GFRA1: variants seen among roughly 807,000 people sequenced by gnomAD.
GFRA1 encodes GDNF family receptor alpha-1.
GFRA1 carries 16 observed loss-of-function variants against 51.6 expected under a neutral mutation model. The ratio of observed to expected loss-of-function variants is 0.31; its 90% CI spans 0.21 to 0.47. The LOEUF (loss-of-function observed/expected upper bound fraction) is 0.47. Among genes scored for constraint, GFRA1 ranks in the 20% least tolerant of loss-of-function variants. GFRA1 has a pLI of 1.00. For missense variants in GFRA1, 530 were observed against 594.3 expected, an observed-to-expected ratio of 0.89 and a Z score of 1.13; for synonymous variants, 270 against 241.3, an observed-to-expected ratio of 1.12 and a Z score of -1.10.
At chr10:116,241,384 C>A (rs1967363103) in intron 4 of GFRA1, among the ~76,000 whole-genome samples, 1 of 152,190 alleles carries the variant, frequency 6.6e-6, no homozygotes, top group South Asian at 2.1e-4. Flanking sequence ...ATCTCAACCA[C>A]ACAACTTCAC....
chr10:116,255,600 C>T (rs778575573), intron 4 of GFRA1: 37 of 1,288,754 alleles, frequency 2.9e-5, no homozygotes, highest in East Asian at 2.2e-4. Context: ...GCTGGGTACA[C>T]GCCCTTTCCT....
At chr10:116,241,231 C>A (rs1268832065) in intron 4 of GFRA1, among the ~76,000 whole-genome samples, 1 of 152,162 alleles carries the variant, frequency 6.6e-6, no homozygotes, top group African/African-American at 2.4e-5. Flanking sequence ...GGGGAGAAAA[C>A]CAATTCACAC....
intron 5 of GFRA1, among the ~76,000 whole-genome samples, chr10:116,210,386 C>G (rs1452038339): frequency 6.6e-6 from 1 of 152,108 alleles, no homozygotes; most frequent in Non-Finnish European, 1.5e-5. Context: ...AATGATCTGC[C>G]TAGAGTGCCC....
intron 4 of GFRA1, among the ~76,000 whole-genome samples, chr10:116,266,897 T>C (rs565337648): frequency 4.6e-5 from 7 of 152,354 alleles, no homozygotes; most frequent in Non-Finnish European, 7.3e-5. Context: ...CTCAGATCCA[T>C]GGACTGTAAC....
At chr10:116,143,166 G>C (rs1207942697) in intron 5 of GFRA1, among the ~76,000 whole-genome samples, 2 of 152,038 alleles carry the variant, frequency 1.3e-5, no homozygotes, top group Admixed American at 1.3e-4. Flanking sequence ...CCAGTTGTAC[G>C]GTTCATATAC....
At chr10:116,197,684 A>G (rs1964000115) in intron 5 of GFRA1, among the ~76,000 whole-genome samples, 1 of 152,136 alleles carries the variant, frequency 6.6e-6, no homozygotes, top group South Asian at 2.1e-4. Flanking sequence ...TTTGTGGGGG[A>G]TACAACTAAA....
At chr10:116,154,990 T>A (rs568202526) in intron 5 of GFRA1, among the ~76,000 whole-genome samples, 1 of 152,284 alleles carries the variant, frequency 6.6e-6, no homozygotes, top group East Asian at 1.9e-4. Context: ...GCTTGAGACC[T>A]TACCTACTTT....
At chr10:116,255,841 T>G in intron 4 of GFRA1, 2 of 896,790 alleles carry the variant, frequency 2.2e-6, no homozygotes, top group South Asian at 3.1e-5. Flanking sequence ...AGTTACTGCT[T>G]AAGTGTAGAG....
At chr10:116,265,629 A>G (rs115086918) in intron 4 of GFRA1, among the ~76,000 whole-genome samples, 417 of 152,332 alleles carry the variant, frequency 2.7e-3, no homozygotes, top group African/African-American at 9.7e-3. Flanking sequence ...GGCAGAATAG[A>G]GGTGCAAGAG....
chr10:116,225,331 T>A (rs1490213582), intron 4 of GFRA1, among the ~76,000 whole-genome samples: 3 of 151,846 alleles, frequency 2.0e-5, no homozygotes, highest in Non-Finnish European at 4.4e-5. Context: ...GGTCATCAGA[T>A]CGAGACCATC....
At chr10:116,096,799 G>C (rs764826008) in intron 6 of GFRA1, 35 bp from the exon 7 acceptor site, 13 of 1,211,846 alleles carry the variant, frequency 1.1e-5, no homozygotes, top group Non-Finnish European at 1.6e-5. Context: ...GGGTGGAAAT[G>C]TGCTTTAAAA....
chr10:116,143,197 A>C (rs1320095685), intron 5 of GFRA1, among the ~76,000 whole-genome samples: 1 of 152,140 alleles, frequency 6.6e-6, no homozygotes, highest in Admixed American at 6.5e-5. Flanking sequence ...TATTCATTCA[A>C]ATTGAATTAC....
Position 116,125,326 on chromosome 10 carries a change from G to A in GFRA1, c.665C>T (p.Thr222Ile), listed in dbSNP as rs1957813079. 3 of 1,614,108 alleles carry A rather than the reference G, an allele frequency of 1.9e-6. No individual in the cohort carries two copies. The highest frequency in any genetic ancestry group is 2.2e-5 in the South Asian group (2 of 91,090). Residue 222 changes from threonine to isoleucine, a missense_variant, in exon 6 of 11, where the codon ACA becomes ATA. By Grantham distance (89) the Thr-to-Ile change is moderately conservative. Coordinates refer to ENST00000355422, the MANE Select transcript of GFRA1 (RefSeq NM_005264.8). ...LFCSCRDIACTERRRQTIVPV... is the reference protein window; with the variant it reads ...LFCSCRDIACIERRRQTIVPV... ...CACGATGGTCTGTCGCCTCCGCTCT[G>A]TGCAGGCGATGTCCCGGCAGGAGCA...
intron 4 of GFRA1, among the ~76,000 whole-genome samples, chr10:116,250,219 C>G (rs1021260079): frequency 3.3e-5 from 5 of 152,176 alleles, no homozygotes; most frequent in Admixed American, 3.3e-4. Context: ...GACAATAGTA[C>G]AGATGTATTC....
intron 4 of GFRA1, among the ~76,000 whole-genome samples, chr10:116,252,751 ACTGGGGGATAGG>A (rs1435377382): frequency 6.6e-6 from 1 of 152,170 alleles, no homozygotes; most frequent in Non-Finnish European, 1.5e-5. Context: ...TATCACTGTG[ACTGGGGGATAGG>A]CTTCAACATG....
At chr10:116,118,872 T>C (rs1442783549) in intron 6 of GFRA1, among the ~76,000 whole-genome samples, 1 of 152,138 alleles carries the variant, frequency 6.6e-6, no homozygotes, top group Non-Finnish European at 1.5e-5. Context: ...CTTGGGCAGA[T>C]GCAGGGAGGG....
chr10:116,089,768 A>T lies in GFRA1; in HGVS notation c.1170T>A (p.His390Gln). The T allele has an allele frequency of 6.2e-7, 1 of 1,614,152 alleles. No individual in the cohort carries two copies. Among genetic ancestry groups the T allele is most frequent in the Non-Finnish European group, 8.5e-7 (1 of 1,180,028 alleles). Residue 390 changes from histidine to glutamine, a missense_variant, in exon 9 of 11, where the codon CAT becomes CAA. Transcript: ENST00000355422. Reference sequence around the variant, plus strand: ...GTAAATTTGCACACGGTGGCAAAACATGAGTGGGAATTTCATTCTCAGACC... The same window carrying T: ...GTAAATTTGCACACGGTGGCAAAACTTGAGTGGGAATTTCATTCTCAGACC... ...PAGSENEIPT[H>Q]VLPPCANLQA...
Position 116,061,140 on chromosome 10 carries a change from T to C in GFRA1, c.*3258A>G, listed in dbSNP as rs1375045211. 1 of 150,878 alleles carries C rather than the reference T, an allele frequency of 6.6e-6. No individual in the cohort carries two copies. The highest frequency in any genetic ancestry group is 1.5e-5 in the Non-Finnish European group (1 of 67,508). The allele number at this position is 150,878 out of a possible 1,614,324, so 9.3% of individuals were successfully genotyped here. On this transcript the variant is annotated 3_prime_UTR_variant, in exon 11 of 11. Coordinates refer to ENST00000355422, the MANE Select transcript of GFRA1 (RefSeq NM_005264.8). The stretch of plus-strand genomic sequence containing the variant: ...ATGCAAGACAGGAAGTGTCTGAATA[T>C]GGACCAAATCAAAGGCTGAGGCAGC...
At chr10:116,204,912 T>C (rs1309510129) in intron 5 of GFRA1, among the ~76,000 whole-genome samples, 6 of 152,088 alleles carry the variant, frequency 3.9e-5, no homozygotes, top group Non-Finnish European at 7.4e-5. Flanking sequence ...CCAAAGAGTA[T>C]AGTATGGAAA....
Sources: allele counts gnomAD v4.1 joint callset (sites outside exome capture counted in the v4.1 genomes callset), GRCh38; gene constraint gnomAD v4.1.1; transcripts MANE v1.5; gene names NCBI Gene and HGNC (gene_info 2026-07-23, HGNC 2026-07-21).